FAM13C: variants seen among roughly 807,000 people sequenced by gnomAD.
The protein encoded by FAM13C is protein FAM13C.
FAM13C carries 37 observed loss-of-function variants against 73.2 expected under a neutral mutation model. That is an observed-to-expected ratio of 0.51 (90% confidence interval 0.39 to 0.67). FAM13C has a LOEUF of 0.67. Among genes scored for constraint, FAM13C ranks in the 30% least tolerant of loss-of-function variants. The pLI is 0.00. For missense variants in FAM13C, 589 were observed against 715.6 expected, an observed-to-expected ratio of 0.82 and a Z score of 2.02; for synonymous variants, 246 against 260.9, an observed-to-expected ratio of 0.94 and a Z score of 0.55.
At chr10:59,251,320 A>G (rs976901157) in intron 13 of FAM13C, 22 of 451,602 alleles carry the variant, frequency 4.9e-5, no homozygotes, top group African/African-American at 3.4e-4. Flanking sequence ...TTTATTGTGC[A>G]AAGTTAGAGA....
At chr10:59,259,722 A>G (rs1338041916) in intron 10 of FAM13C, among the ~76,000 whole-genome samples, 3 of 152,194 alleles carry the variant, frequency 2.0e-5, no homozygotes, top group Admixed American at 2.0e-4. Flanking sequence ...TAGATACTTC[A>G]TTAAAAATAA....
chr10:59,281,854 A>T (rs1026540), intron 6 of FAM13C, among the ~76,000 whole-genome samples: 32,701 of 152,200 alleles, frequency 0.21, 4,501 homozygotes, highest in African/African-American at 0.38. Context: ...AGAAACTTGT[A>T]TAGTTAATCC....
At chr10:59,249,703 G>A (rs1841183263) in intron 13 of FAM13C, among the ~76,000 whole-genome samples, 2 of 151,498 alleles carry the variant, frequency 1.3e-5, no homozygotes, top group African/African-American at 4.8e-5. Context: ...CAAAATTAAG[G>A]TCCATATTTC....
At chr10:59,306,303 A>G (rs1163244468) in intron 4 of FAM13C, among the ~76,000 whole-genome samples, 4 of 152,214 alleles carry the variant, frequency 2.6e-5, no homozygotes, top group African/African-American at 4.8e-5. Context: ...ATATACTCAC[A>G]TGATCTTCCA....
Position 59,262,552 on chromosome 10 carries a change from T to G in FAM13C, c.1118A>C (p.Asn373Thr). Residue 373 changes from asparagine (N) to threonine (T), a missense_variant, in exon 10 of 14, where the codon AAT (asparagine) becomes ACT (threonine). Transcript: ENST00000618804. Reference protein sequence around the residue: ...LCEQPTVPRENGKPEAAGPEP... With the variant: ...LCEQPTVPRETGKPEAAGPEP... ...CGGGCCCGCAGCTTCCGGTTTCCCA[T>G]TTTCTCTGGGGACTGTGGGTTGCTC... is the stretch of plus-strand genomic sequence containing the variant. 2.5e-6 allele frequency: 4 copies of G among 1,613,742 alleles called. No individual in the cohort carries two copies. The highest frequency in any genetic ancestry group is 3.4e-6 in the Non-Finnish European group (4 of 1,179,768).
intron 10 of FAM13C, among the ~76,000 whole-genome samples, chr10:59,255,423 CTATT>C (rs1802646372): frequency 6.6e-6 from 1 of 151,760 alleles, no homozygotes; most frequent in Admixed American, 6.5e-5. Context: ...ATCTATCCAT[CTATT>C]TGTCTGTCTA....
chr10:59,337,577 A>T (rs1852879617), intron 3 of FAM13C, among the ~76,000 whole-genome samples: 1 of 149,360 alleles, frequency 6.7e-6, no homozygotes, highest in Admixed American at 6.7e-5. Flanking sequence ...ATACATTCTG[A>T]TGGTTACTGG....
At position 59,323,398 on chromosome 10, in the gene FAM13C, T is replaced by C. The variant is rs948057029; in HGVS notation, c.443+590A>G. The C allele has an allele frequency of 1.9e-5, 3 of 154,158 alleles. No individual in the cohort carries two copies. The South Asian group carries it at 6.0e-4, about 31-fold the overall frequency. The allele number at this position is 154,158 out of a possible 1,614,324, so 9.5% of individuals were successfully genotyped here. The stretch of plus-strand genomic sequence containing the variant: ...GTCTAGCAGGCTAGAGAGGCCATCC[T>C]GGGGCTATGTCAGGGCTAAGGTCAC... On this transcript the variant is annotated intron_variant, in intron 4 of 13. Transcript: ENST00000618804.
At chr10:59,258,292 T>A in intron 10 of FAM13C, among the ~76,000 whole-genome samples, 1 of 152,110 alleles carries the variant, frequency 6.6e-6, no homozygotes, top group East Asian at 1.9e-4. Context: ...TAGACCAGCC[T>A]GGGCAAAAGT....
chr10:59,350,353 T>C (rs1431019211), intron 3 of FAM13C, among the ~76,000 whole-genome samples: 1 of 152,142 alleles, frequency 6.6e-6, no homozygotes, highest in African/African-American at 2.4e-5. Flanking sequence ...GACTACAGGA[T>C]GAAAAGAAAG....
chr10:59,309,025 C>T (rs1359079694), intron 4 of FAM13C, among the ~76,000 whole-genome samples: 3 of 152,190 alleles, frequency 2.0e-5, no homozygotes, highest in African/African-American at 7.2e-5. Flanking sequence ...TATATTTACA[C>T]CAATGTTTGA....
intron 5 of FAM13C, among the ~76,000 whole-genome samples, chr10:59,299,501 C>T (rs1476641563): frequency 7.0e-6 from 1 of 143,614 alleles, no homozygotes; most frequent in African/African-American, 2.6e-5. Flanking sequence ...AGTTTGAGGA[C>T]CCAATATGGC....
chr10:59,329,342 GTTTTTTTTTTTTTTTTTTTTTTT>G (rs71006247), intron 3 of FAM13C, among the ~76,000 whole-genome samples: 2 of 77,300 alleles, frequency 2.6e-5, no homozygotes, highest in Non-Finnish European at 2.5e-5. Context: ...TTTCTTTCTG[GTTTTTTTTTTTTTTTTTTTTTTT>G]TTTTTTTTTT....
chr10:59,313,570 C>G (rs573896479), intron 4 of FAM13C, among the ~76,000 whole-genome samples: 1 of 152,114 alleles, frequency 6.6e-6, no homozygotes, highest in Admixed American at 6.6e-5. Context: ...GTTGAGCAAG[C>G]GAGTCCAAAT....
chr10:59,313,575 C>A (rs1450583817), intron 4 of FAM13C, among the ~76,000 whole-genome samples: 1 of 152,112 alleles, frequency 6.6e-6, no homozygotes, highest in Non-Finnish European at 1.5e-5. Context: ...GCAAGCGAGT[C>A]CAAATCACTG....
At chr10:59,339,554 G>A (rs1197529164) in intron 3 of FAM13C, among the ~76,000 whole-genome samples, 1 of 152,138 alleles carries the variant, frequency 6.6e-6, no homozygotes, top group Non-Finnish European at 1.5e-5. Flanking sequence ...GTACATGGAT[G>A]ATAAATTAGG....
intron 3 of FAM13C, among the ~76,000 whole-genome samples, chr10:59,346,382 A>C (rs892622335): frequency 2.6e-5 from 4 of 152,236 alleles, no homozygotes; most frequent in Non-Finnish European, 5.9e-5. Context: ...TGAAGATTTC[A>C]CAATCAGACT....
At chr10:59,250,368 A>T (rs889883411) in intron 13 of FAM13C, among the ~76,000 whole-genome samples, 1 of 152,250 alleles carries the variant, frequency 6.6e-6, no homozygotes, top group Admixed American at 6.5e-5. Context: ...GAGCCACATA[A>T]CATTTCTCAC....
chr10:59,284,697 C>T (rs573100843), intron 5 of FAM13C, among the ~76,000 whole-genome samples: 1 of 151,206 alleles, frequency 6.6e-6, no homozygotes, highest in Non-Finnish European at 1.5e-5. Flanking sequence ...ACCAAACCCC[C>T]ATACTCTCAT....
Sources: gnomAD v4.1 joint callset for allele counts (sites outside exome capture counted in the v4.1 genomes callset) on GRCh38, gnomAD v4.1.1 for gene constraint, MANE v1.5 for transcripts, NCBI Gene and HGNC (gene_info 2026-07-23, HGNC 2026-07-21) for gene names.